CFAP58: variants seen among roughly 807,000 people sequenced by gnomAD.
CFAP58 encodes cilia and flagella associated protein 58.
In CFAP58, 88 loss-of-function variants were observed where a neutral mutation model predicts 119.5. The ratio of observed to expected loss-of-function variants is 0.74; its 90% CI spans 0.62 to 0.88. The LOEUF (loss-of-function observed/expected upper bound fraction) is 0.88. Ranked by LOEUF, CFAP58 falls within the 40% of genes least tolerant of loss-of-function variation. CFAP58 has a pLI of 0.00. For synonymous variants in CFAP58, 365 were observed against 366.3 expected, an observed-to-expected ratio of 1.00 and a Z score of 0.04; for missense variants, 990 against 1,021.2, an observed-to-expected ratio of 0.97 and a Z score of 0.42.
chr10:104,358,286 TG>T, intron 1 of CFAP58, 54 bp from the exon 2 acceptor site: 1 of 1,534,612 alleles, frequency 6.5e-7, no homozygotes. Context: ...AATTCCTTGA[TG>T]GTAATGATGT....
intron 9 of CFAP58, among the ~76,000 whole-genome samples, chr10:104,381,754 C>T (rs2011807827): frequency 6.6e-6 from 1 of 152,154 alleles, no homozygotes; most frequent in South Asian, 2.1e-4. Flanking sequence ...AAATCAATGC[C>T]TTGCAGACGC....
intron 8 of CFAP58, 64 bp from the exon 9 acceptor site, chr10:104,379,965 T>C (rs2011749511): frequency 7.1e-7 from 1 of 1,406,148 alleles, no homozygotes; most frequent in Admixed American, 2.1e-5. Flanking sequence ...AGGCAGAGGG[T>C]AAACTTAACC....
At chr10:104,437,526 CTGT>C (rs930645649) in intron 15 of CFAP58, among the ~76,000 whole-genome samples, 1 of 152,082 alleles carries the variant, frequency 6.6e-6, no homozygotes, top group Non-Finnish European at 1.5e-5. Flanking sequence ...TGCAAGGTAA[CTGT>C]AAAATAAAAC....
chr10:104,427,894 G>A (rs1280670765), intron 15 of CFAP58, among the ~76,000 whole-genome samples: 15 of 152,286 alleles, frequency 9.8e-5, no homozygotes, highest in Admixed American at 6.5e-4. Context: ...AAATTTTGGC[G>A]TGACCTTATC....
chr10:104,433,224 G>C (rs1408963634), intron 15 of CFAP58, among the ~76,000 whole-genome samples: 1 of 152,218 alleles, frequency 6.6e-6, no homozygotes, highest in African/African-American at 2.4e-5. Flanking sequence ...CTCCTGAGTA[G>C]CTACGATTGT....
intron 15 of CFAP58, among the ~76,000 whole-genome samples, chr10:104,409,657 G>C (rs77488383): frequency 0.011 from 1,648 of 152,198 alleles, 20 homozygotes; most frequent in Non-Finnish European, 0.018. Flanking sequence ...GTGAGTATAA[G>C]ATTATAATTT....
intron 15 of CFAP58, among the ~76,000 whole-genome samples, chr10:104,428,623 G>A (rs1260967394): frequency 6.6e-6 from 1 of 152,188 alleles, no homozygotes; most frequent in African/African-American, 2.4e-5. Flanking sequence ...CAAGTTGCAA[G>A]CCCAGGAAAG....
At chr10:104,340,871 G>C in the CFAP58 span, among the ~76,000 whole-genome samples, 1 of 152,148 alleles carries the variant, frequency 6.6e-6, no homozygotes, top group Middle Eastern at 3.2e-3. Flanking sequence ...ACCCTGGAAA[G>C]GCTGCCCTTT....
intron 15 of CFAP58, among the ~76,000 whole-genome samples, chr10:104,427,782 T>C (rs2012774100): frequency 6.6e-6 from 1 of 151,840 alleles, no homozygotes; most frequent in African/African-American, 2.4e-5. Flanking sequence ...AGAGGTGGAG[T>C]AGGGAGAGGC....
intron 15 of CFAP58, among the ~76,000 whole-genome samples, chr10:104,414,124 T>A (rs1042182330): frequency 3.3e-5 from 5 of 152,032 alleles, no homozygotes; most frequent in Non-Finnish European, 7.4e-5. Context: ...CTAGGAAGTA[T>A]CCCTAGGAAG....
intron 2 of CFAP58, among the ~76,000 whole-genome samples, chr10:104,360,551 G>C (rs904321465): frequency 6.6e-6 from 1 of 151,886 alleles, no homozygotes; most frequent in South Asian, 2.1e-4. Flanking sequence ...GTGTCATGGG[G>C]GTTTGTTGTA....
At chr10:104,388,528 G>A (rs10883996) in intron 9 of CFAP58, among the ~76,000 whole-genome samples, 41,490 of 152,030 alleles carry the variant, frequency 0.27, 6,346 homozygotes, top group African/African-American at 0.42. Flanking sequence ...TCAGCATTTC[G>A]CAAGCCAGGG....
intron 15 of CFAP58, among the ~76,000 whole-genome samples, chr10:104,431,005 C>CCA (rs2012836628): frequency 6.6e-6 from 1 of 152,184 alleles, no homozygotes; most frequent in Admixed American, 6.5e-5. Flanking sequence ...CTAGTGGCTA[C>CCA]CACACTGATG....
the CFAP58 span, among the ~76,000 whole-genome samples, chr10:104,346,278 T>C: frequency 6.6e-6 from 1 of 151,922 alleles, no homozygotes; most frequent in East Asian, 1.9e-4. Context: ...GGTAGAAACA[T>C]TGGAAGTCAT....
At chr10:104,445,617 G>C (rs552151957) in intron 15 of CFAP58, among the ~76,000 whole-genome samples, 3 of 152,088 alleles carry the variant, frequency 2.0e-5, no homozygotes, top group Non-Finnish European at 2.9e-5. Context: ...ATGGAATTTT[G>C]TAGCTCAATT....
intron 1 of CFAP58, among the ~76,000 whole-genome samples, chr10:104,358,006 T>A (rs185009544): frequency 7.5e-6 from 1 of 133,312 alleles, no homozygotes; most frequent in Non-Finnish European, 1.6e-5. Flanking sequence ...TACACATATA[T>A]ACACATATAT....
At chr10:104,357,286 C>A (rs2014555432) in intron 1 of CFAP58, among the ~76,000 whole-genome samples, 1 of 152,144 alleles carries the variant, frequency 6.6e-6, no homozygotes, top group Non-Finnish European at 1.5e-5. Context: ...CCATGGAAAG[C>A]AAATGTGGAA....
rs2014735933 is a variant in CFAP58 at position 104,365,819 on chromosome 10, A to G, written c.603A>G (p.Gln201=). The change falls in exon 5 of 18, where the codon CAA becomes CAG. Residue 201 remains glutamine (Q), a synonymous_variant. Coordinates refer to ENST00000369704, the MANE Select transcript of CFAP58 (RefSeq NM_001008723.2). ...EEAEHAISQF[Q]QEIQQRQNEA... ...GTCCTTTCCGCAACCTCTAGTTCCA[A>G]CAAGAAATCCAGCAACGTCAGAACG... The G allele has an allele frequency of 1.2e-6, 2 of 1,609,148 alleles. No individual in the cohort carries two copies. The highest frequency in any genetic ancestry group is 1.7e-6 in the Non-Finnish European group (2 of 1,178,360).
chr10:104,365,001 A>C, intron 4 of CFAP58, 112 bp downstream of exon 4: 15 of 1,025,948 alleles, frequency 1.5e-5, no homozygotes, highest in East Asian at 2.8e-5. Flanking sequence ...TAGCGCCCAA[A>C]TGAAACATCC....
Sources: gnomAD v4.1 joint callset for allele counts (sites outside exome capture counted in the v4.1 genomes callset) on GRCh38, gnomAD v4.1.1 for gene constraint, MANE v1.5 for transcripts, NCBI Gene and HGNC (gene_info 2026-07-23, HGNC 2026-07-21) for gene names.